Variants in DLC1 observed in about 807,000 individuals in gnomAD.
DLC1 encodes rho GTPase-activating protein 7.
In DLC1, 54 loss-of-function variants were observed where a neutral mutation model predicts 140.3. The ratio of observed to expected loss-of-function variants is 0.38; its 90% confidence interval spans 0.31 to 0.48. DLC1 has a LOEUF of 0.48. Among genes scored for constraint, DLC1 ranks in the 20% least tolerant of loss-of-function variants. DLC1 has a pLI of 0.96. For synonymous variants in DLC1, 986 were observed against 728.1 expected (o/e 1.35, Z -5.70); for missense variants, 2,536 against 1,907.0 (o/e 1.33, Z -6.14).
At chr8:13,414,521 C>T (rs1439766776) in intron 2 of DLC1, among the ~76,000 whole-genome samples, 1 of 152,034 alleles carries the variant, frequency 6.6e-6, no homozygotes, top group Non-Finnish European at 1.5e-5. Flanking sequence ...TGCACAAATT[C>T]CTGAATATTT....
At chr8:13,351,556 A>C (rs1194258083) in intron 4 of DLC1, among the ~76,000 whole-genome samples, 1 of 152,258 alleles carries the variant, frequency 6.6e-6, no homozygotes, top group African/African-American at 2.4e-5. Context: ...AAAATCACAG[A>C]AAATAGAAAT....
At chr8:13,148,697 C>T (rs34924290) in intron 5 of DLC1, among the ~76,000 whole-genome samples, 49,728 of 151,974 alleles carry the variant, frequency 0.33, 9,346 homozygotes, top group East Asian at 0.54. Flanking sequence ...AAAAGCCTAA[C>T]CTAAAGTTCT....
intron 5 of DLC1, among the ~76,000 whole-genome samples, chr8:13,239,543 C>T (rs571969945): frequency 5.3e-5 from 8 of 152,214 alleles, no homozygotes; most frequent in Non-Finnish European, 1.2e-4. Flanking sequence ...CAGCTTTTTT[C>T]ACTGTGTAAT....
intron 4 of DLC1, among the ~76,000 whole-genome samples, chr8:13,313,709 C>G (rs1319737880): frequency 1.3e-5 from 2 of 152,214 alleles, no homozygotes; most frequent in Non-Finnish European, 2.9e-5. Flanking sequence ...GTCCAATTAA[C>G]TTGTTTCCAC....
At chr8:13,425,698 C>T (rs1838542817) in intron 2 of DLC1, among the ~76,000 whole-genome samples, 1 of 152,074 alleles carries the variant, frequency 6.6e-6, no homozygotes, top group African/African-American at 2.4e-5. Flanking sequence ...CATGGTCAAA[C>T]TGATTGTAGT....
chr8:13,254,185 A>T lies in DLC1; in HGVS notation c.1348+51084T>A, dbSNP rs547254625. Among the ~76,000 whole-genome samples the T allele has an allele frequency of 4.4e-3, 530 of 120,758 alleles. 4 individuals are homozygous for T. The highest frequency in any genetic ancestry group is 0.018 in the African/African-American group (520 of 28,618). The allele number at this position is 120,758 out of a possible 152,430, so 79.2% of individuals were successfully genotyped here. On this transcript the variant is annotated intron_variant, in intron 5 of 17. Coordinates refer to ENST00000276297, the MANE Select transcript of DLC1 (RefSeq NM_182643.3). Reference sequence around the variant, plus strand: ...CAACCCGACCCCCTAAATAAAATTAAAAAAAAAAAGAATAAAGAAAAGAAC... The same window carrying T: ...CAACCCGACCCCCTAAATAAAATTATAAAAAAAAAGAATAAAGAAAAGAAC...
At chr8:13,556,586 T>A (rs1421555469) in intron 1 of DLC1, among the ~76,000 whole-genome samples, 2 of 152,058 alleles carry the variant, frequency 1.3e-5, no homozygotes, top group African/African-American at 4.8e-5. Context: ...TGGGCAGAGG[T>A]CATAAGCATG....
intron 4 of DLC1, among the ~76,000 whole-genome samples, chr8:13,351,588 T>C (rs1484958003): frequency 6.6e-6 from 1 of 152,202 alleles, no homozygotes; most frequent in Non-Finnish European, 1.5e-5. Context: ...CAAGAACACA[T>C]AGTGTCCACT....
chr8:13,277,558 A>C (rs1396381966), intron 5 of DLC1, among the ~76,000 whole-genome samples: 1 of 152,200 alleles, frequency 6.6e-6, no homozygotes, highest in Non-Finnish European at 1.5e-5. Context: ...AGTTCCAAGC[A>C]CTATGAAATC....
At chr8:13,455,153 T>C (rs1241728213) in intron 2 of DLC1, among the ~76,000 whole-genome samples, 2 of 152,214 alleles carry the variant, frequency 1.3e-5, no homozygotes, top group Non-Finnish European at 2.9e-5. Context: ...GATTCTTTTT[T>C]ATTTATTAAA....
intron 1 of DLC1, among the ~76,000 whole-genome samples, chr8:13,545,573 G>T (rs978174245): frequency 2.0e-5 from 3 of 151,906 alleles, no homozygotes; most frequent in Admixed American, 2.0e-4. Flanking sequence ...TGAATTCGTG[G>T]TGTTGTTGAA....
intron 4 of DLC1, among the ~76,000 whole-genome samples, chr8:13,361,005 C>A (rs1835201031): frequency 6.6e-6 from 1 of 151,856 alleles, no homozygotes; most frequent in African/African-American, 2.4e-5. Context: ...TTGAGGCGGG[C>A]AGAATGTTTG....
intron 5 of DLC1, among the ~76,000 whole-genome samples, chr8:13,148,595 A>G (rs1267387816): frequency 2.0e-5 from 3 of 152,134 alleles, no homozygotes; most frequent in Non-Finnish European, 4.4e-5. Flanking sequence ...TGTCTTTTAC[A>G]CAAATGGGAC....
chr8:13,380,503 C>A (rs1220485202), intron 4 of DLC1, among the ~76,000 whole-genome samples: 2 of 152,142 alleles, frequency 1.3e-5, no homozygotes, highest in East Asian at 3.9e-4. Context: ...AATTAAGGAA[C>A]CAAAGGGTGG....
chr8:13,290,521 T>G (rs1831716748), intron 5 of DLC1, among the ~76,000 whole-genome samples: 1 of 152,194 alleles, frequency 6.6e-6, no homozygotes, highest in Admixed American at 6.5e-5. Flanking sequence ...AAAAAATTAT[T>G]GAGTGTCCTT....
intron 5 of DLC1, among the ~76,000 whole-genome samples, chr8:13,213,123 T>A (rs538125618): frequency 6.6e-6 from 1 of 152,218 alleles, no homozygotes; most frequent in East Asian, 1.9e-4. Flanking sequence ...TAATAAAAAT[T>A]CTGCATGATA....
At chr8:13,578,165 C>A (rs1443376693) in intron 1 of DLC1, among the ~76,000 whole-genome samples, 1 of 152,090 alleles carries the variant, frequency 6.6e-6, no homozygotes, top group Non-Finnish European at 1.5e-5. Context: ...TAACTCAGCA[C>A]AGCTGCTGCT....
intron 2 of DLC1, among the ~76,000 whole-genome samples, chr8:13,478,678 A>G (rs917071639): frequency 2.0e-5 from 3 of 152,230 alleles, no homozygotes; most frequent in East Asian, 3.9e-4. Context: ...TCAGGTATCA[A>G]TAATATTTCC....
chr8:13,381,277 G>A (rs77606587), intron 4 of DLC1, among the ~76,000 whole-genome samples: 1 of 152,252 alleles, frequency 6.6e-6, no homozygotes, highest in South Asian at 2.1e-4. Context: ...GCCTCAGCCG[G>A]GAGAAGATGA....
Sources: allele counts gnomAD v4.1 joint callset (sites outside exome capture counted in the v4.1 genomes callset), GRCh38; gene constraint gnomAD v4.1.1; transcripts MANE v1.5; gene names NCBI Gene and HGNC (gene_info 2026-07-23, HGNC 2026-07-21).